ZBTB38: variants seen among roughly 807,000 people sequenced by gnomAD.
ZBTB38 encodes zinc finger and BTB domain-containing protein 38.
A neutral mutation model predicts 76.8 loss-of-function variants in ZBTB38; 20 were observed. That is an observed-to-expected ratio of 0.26 (90% confidence interval 0.18 to 0.38). The LOEUF (loss-of-function observed/expected upper bound fraction) is 0.38. ZBTB38 is among the 10% of genes least tolerant of loss of function. The probability of loss-of-function intolerance (pLI) is 1.00; values close to 1 mark genes in which losing one functional copy is unlikely to be tolerated. For missense variants in ZBTB38, 1,082 were observed against 1,482.3 expected (o/e 0.73, Z 4.43); for synonymous variants, 504 against 544.2 (o/e 0.93, Z 1.03).
chr3:141,429,575 G>C (rs2077051769), intron 5 of ZBTB38, among the ~76,000 whole-genome samples: 1 of 152,234 alleles, frequency 6.6e-6, no homozygotes, highest in African/African-American at 2.4e-5. Flanking sequence ...GAGCAGCCTA[G>C]AGAAGCAGCT....
chr3:141,425,511 G>C lies in ZBTB38; in HGVS notation c.1-16878G>C, dbSNP rs372630909. On this transcript the variant is annotated intron_variant, in intron 5 of 5. Coordinates refer to ENST00000321464, the MANE Select transcript of ZBTB38 (RefSeq NM_001376113.1). Reference sequence around the variant, plus strand: ...CCTGGTGGTCCCATATAGCATCTTTGTACATAGTGAGAAATGGCCTTCTTC... The same window carrying C: ...CCTGGTGGTCCCATATAGCATCTTTCTACATAGTGAGAAATGGCCTTCTTC... 3.8e-4 allele frequency among the ~76,000 whole-genome samples: 58 copies of C among 152,340 alleles called. 2 individuals carry two copies. The South Asian group carries it at 0.012, about 31-fold the overall frequency.
rs553156492 is a variant in ZBTB38, at chr3:141,344,132, T to G, written c.-739+19676T>G. Reference sequence around the variant, plus strand: ...TTGGCTATGTTTTAGTTGGCTGCTGTTTTCTGTTGCTGCTGTAGTAAGTCA... The same window carrying G: ...TTGGCTATGTTTTAGTTGGCTGCTGGTTTCTGTTGCTGCTGTAGTAAGTCA... On this transcript the variant is annotated intron_variant, in intron 1 of 7. Transcript: ENST00000509842. Among the ~76,000 whole-genome samples, 505 of 152,334 alleles carry G rather than the reference T, an allele frequency of 3.3e-3. 1 individual carries two copies. Among genetic ancestry groups the G allele is most frequent in the African/African-American group, 0.012 (487 of 41,566 alleles).
chr3:141,369,738 CT>C (rs1944270530), intron 1 of ZBTB38, 133 bp from the exon 2 acceptor site: 3 of 152,214 alleles, frequency 2.0e-5, no homozygotes, highest in Non-Finnish European at 2.9e-5. Context: ...AGTAAGGAAG[CT>C]TGTCATTTAC....
chr3:141,328,112 G>A lies in ZBTB38; in HGVS notation c.-739+3656G>A, dbSNP rs537211406. Among the ~76,000 whole-genome samples the A allele has an allele frequency of 8.5e-5, 13 of 152,252 alleles. No homozygotes were observed. The South Asian group carries it at 2.1e-3, about 24-fold the overall frequency. ...TACATAATATATTCATCATTCATTC[G>A]TTCGCACGCCGCTGCACAGAAACAG... On this transcript the variant is annotated intron_variant, in intron 1 of 7. Coordinates refer to the ZBTB38 transcript ENST00000509842.
intron 5 of ZBTB38, among the ~76,000 whole-genome samples, chr3:141,441,731 C>T (rs1399389239): frequency 1.3e-5 from 2 of 152,146 alleles, no homozygotes; most frequent in Admixed American, 6.5e-5. Context: ...GCCTGGGCAA[C>T]ATAGCGAAAC....
rs562444001 is a variant in ZBTB38 at position 141,393,719 on chromosome 3, C to A, written c.-106+6782C>A. On this transcript the variant is annotated intron_variant, in intron 4 of 5. Coordinates refer to ENST00000321464, the MANE Select transcript of ZBTB38 (RefSeq NM_001376113.1). ...GCAGCCAGGGGGACAAAAGGAGATG[C>A]CGCTCTGCTGCGCCATGGAGCTGGG... Among the ~76,000 whole-genome samples the A allele has an allele frequency of 4.2e-4, 64 of 152,214 alleles. No homozygotes were observed. The Middle Eastern group carries it at 0.01, about 24-fold the overall frequency.
intron 1 of ZBTB38, among the ~76,000 whole-genome samples, chr3:141,342,392 C>CA (rs58284476): frequency 0.055 from 5,359 of 97,488 alleles, 206 homozygotes; most frequent in Non-Finnish European, 0.078. Context: ...GACTCTGTCT[C>CA]AAAAAAAAAA....
intron 3 of ZBTB38, among the ~76,000 whole-genome samples, chr3:141,384,650 C>A (rs997888586): frequency 6.6e-6 from 1 of 152,174 alleles, no homozygotes; most frequent in Non-Finnish European, 1.5e-5. Flanking sequence ...TAATTCTCGA[C>A]CCCCATGGTA....
chr3:141,391,657 T>C (rs1385783929), intron 4 of ZBTB38, among the ~76,000 whole-genome samples: 1 of 152,100 alleles, frequency 6.6e-6, no homozygotes, highest in Non-Finnish European at 1.5e-5. Context: ...CCTCTCAGAG[T>C]AGAGAAATTT....
At chr3:141,366,833 A>G (rs992209234), upstream of ZBTB38, 8 of 152,218 alleles carry the variant, frequency 5.3e-5, no homozygotes, top group African/African-American at 1.9e-4. Flanking sequence ...AATCATGGAA[A>G]AGTACAAACC....
intron 4 of ZBTB38, among the ~76,000 whole-genome samples, chr3:141,400,294 T>A (rs998397842): frequency 6.6e-6 from 1 of 152,188 alleles, no homozygotes; most frequent in Admixed American, 6.5e-5. Context: ...TAATAACAAT[T>A]TGGGGAAATC....
At chr3:141,381,632 G>A (rs537039388) in intron 3 of ZBTB38, 145 bp downstream of exon 3, 14 of 152,348 alleles carry the variant, frequency 9.2e-5, no homozygotes, top group South Asian at 2.1e-4. Context: ...ACCTATGAGC[G>A]TTGAGCAAGA....
intron 2 of ZBTB38, among the ~76,000 whole-genome samples, chr3:141,376,917 C>A (rs934330166): frequency 2.0e-5 from 3 of 152,208 alleles, no homozygotes; most frequent in African/African-American, 7.2e-5. Context: ...TACTGGTGGT[C>A]CCACCCTTGC....
chr3:141,324,500 G>A (rs758625861), intron 1 of ZBTB38: 1 of 152,210 alleles, frequency 6.6e-6, no homozygotes, highest in African/African-American at 2.4e-5. Context: ...AGCTCTCTAT[G>A]TTTGCTTTCC....
rs1333298352 is a variant in ZBTB38 at position 141,446,993 on chromosome 3, A to C, written c.*1017A>C. On this transcript the variant is annotated 3_prime_UTR_variant, in exon 6 of 6. Coordinates refer to ENST00000321464, the MANE Select transcript of ZBTB38 (RefSeq NM_001376113.1). ...TATTCCAGACAGACTTAAGGGCTCAAGTGGAACCTGCCATCTCCCATTCCA... is the reference window on the plus strand; with the variant it reads ...TATTCCAGACAGACTTAAGGGCTCACGTGGAACCTGCCATCTCCCATTCCA... 1 of 152,720 alleles carries C rather than the reference A, an allele frequency of 6.5e-6. No homozygotes were observed. Among genetic ancestry groups the C allele is most frequent in the Non-Finnish European group, 1.5e-5 (1 of 68,084 alleles). The allele number at this position is 152,720 out of a possible 1,614,324, so 9.5% of individuals were successfully genotyped here. A position where few individuals can be genotyped will look rare whatever the true frequency, so the allele number is the denominator to read the frequency against.
At chr3:141,360,252 A>G (rs1943780801) in intron 1 of ZBTB38, among the ~76,000 whole-genome samples, 1 of 152,182 alleles carries the variant, frequency 6.6e-6, no homozygotes, top group Admixed American at 6.5e-5. Context: ...GGGACCCCAC[A>G]GTGCTGCTTA....
chr3:141,345,375 G>A (rs1221263399), intron 1 of ZBTB38, among the ~76,000 whole-genome samples: 1 of 152,056 alleles, frequency 6.6e-6, no homozygotes, highest in Non-Finnish European at 1.5e-5. Flanking sequence ...GCAAGGGCCT[G>A]GACAGCTGAT....
At chr3:141,390,294 C>T (rs1054795165) in intron 4 of ZBTB38, among the ~76,000 whole-genome samples, 7 of 152,184 alleles carry the variant, frequency 4.6e-5, no homozygotes, top group African/African-American at 1.7e-4. Flanking sequence ...AACCCATTTA[C>T]ACTTTTTGGC....
intron 1 of ZBTB38, among the ~76,000 whole-genome samples, chr3:141,329,915 G>A (rs1412390246): frequency 6.6e-6 from 1 of 151,932 alleles, no homozygotes; most frequent in Non-Finnish European, 1.5e-5. Flanking sequence ...GATTGCTTGA[G>A]CCCAAGAGTT....
Sources: gnomAD v4.1 joint callset for allele counts (sites outside exome capture counted in the v4.1 genomes callset) on GRCh38, gnomAD v4.1.1 for gene constraint, MANE v1.5 for transcripts, NCBI Gene and HGNC (gene_info 2026-07-23, HGNC 2026-07-21) for gene names.